The following SYNPO variants were observed in gnomAD, a reference collection of about 807,000 sequenced individuals.
The protein encoded by SYNPO is synaptopodin.
In SYNPO, 19 loss-of-function variants were observed where a neutral mutation model predicts 49.5. The ratio of observed to expected loss-of-function variants is 0.38; its 90% CI spans 0.27 to 0.56. The LOEUF (loss-of-function observed/expected upper bound fraction) is 0.56. Among genes scored for constraint, SYNPO ranks in the 20% least tolerant of loss-of-function variants. The pLI, the probability that SYNPO is intolerant of heterozygous loss-of-function variation, is 0.68. For synonymous variants in SYNPO, 536 were observed against 548.0 expected, an observed-to-expected ratio of 0.98 and a Z score of 0.31; for missense variants, 1,131 against 1,248.3, an observed-to-expected ratio of 0.91 and a Z score of 1.42.
At chr5:150,626,265 G>A (rs143680196) in intron 2 of SYNPO, among the ~76,000 whole-genome samples, 1 of 152,208 alleles carries the variant, frequency 6.6e-6, no homozygotes, top group Non-Finnish European at 1.5e-5. Context: ...TCCCTCAGGG[G>A]AGTTGAAAAC....
At chr5:150,590,075 C>T in the SYNPO span, among the ~76,000 whole-genome samples, 24 of 152,348 alleles carry the variant, frequency 1.6e-4, no homozygotes, top group South Asian at 6.2e-4. Flanking sequence ...TTCATTTTTC[C>T]AAGCCTTGCG....
At chr5:150,618,846 C>A in intron 2 of SYNPO, 1 of 1,495,734 alleles carries the variant, frequency 6.7e-7, no homozygotes. Context: ...GGCTCCTGAC[C>A]ATATTTTTCC....
At chr5:150,645,333 C>A (rs181146317) in intron 1 of SYNPO, among the ~76,000 whole-genome samples, 2 of 152,098 alleles carry the variant, frequency 1.3e-5, no homozygotes, top group African/African-American at 4.8e-5. Context: ...TAATTAGCTT[C>A]CCACAGTAGG....
chr5:150,601,463 G>C (rs572183521), intron 1 of SYNPO, among the ~76,000 whole-genome samples: 1 of 152,312 alleles, frequency 6.6e-6, no homozygotes, highest in Admixed American at 6.5e-5. Context: ...GCCCCACCAT[G>C]TGCCCCAGGG....
intron 2 of SYNPO, among the ~76,000 whole-genome samples, chr5:150,623,882 C>T (rs902415232): frequency 9.2e-5 from 14 of 152,372 alleles, no homozygotes; most frequent in African/African-American, 3.4e-4. Flanking sequence ...CAGCATTTCT[C>T]CAACCGTGGT....
chr5:150,645,030 G>A (rs1286325822), intron 1 of SYNPO, among the ~76,000 whole-genome samples: 1 of 152,196 alleles, frequency 6.6e-6, no homozygotes, highest in East Asian at 1.9e-4. Flanking sequence ...TGGAGCTGCT[G>A]TGACGCTGCT....
chr5:150,594,843 C>T, the SYNPO span, among the ~76,000 whole-genome samples: 4 of 152,136 alleles, frequency 2.6e-5, no homozygotes, highest in Non-Finnish European at 4.4e-5. Flanking sequence ...AATGGTCGAG[C>T]AGGACTCTTG....
chr5:150,650,436 G>A, intron 2 of SYNPO, 133 bp downstream of exon 2: 1 of 1,546,714 alleles, frequency 6.5e-7, no homozygotes, highest in South Asian at 1.2e-5. Flanking sequence ...GAGGAGAATG[G>A]GGAGTCCATG....
chr5:150,651,620 A>C, intron 2 of SYNPO: 1 of 1,002,788 alleles, frequency 1.0e-6, no homozygotes. Flanking sequence ...GCTTAGGCTC[A>C]GGATTGCCTG....
chr5:150,631,119 G>A (rs1757521822), intron 2 of SYNPO, among the ~76,000 whole-genome samples: 1 of 152,200 alleles, frequency 6.6e-6, no homozygotes, highest in Non-Finnish European at 1.5e-5. Flanking sequence ...CATGATGTGA[G>A]CAGTGTTTCA....
At position 150,647,974 on chromosome 5, in the gene SYNPO, A is replaced by G; in HGVS notation, c.-302A>G. On this transcript the variant is annotated 5_prime_UTR_variant, in exon 2 of 3. Coordinates refer to ENST00000307662, the MANE Select transcript of SYNPO (RefSeq NM_007286.6). Reference sequence around the variant, plus strand: ...GGCCGGAGCACTAGCCTCACGGAGAAGGATCTGAAAGAAGCCAAGGCGCGG... The same window carrying G: ...GGCCGGAGCACTAGCCTCACGGAGAGGGATCTGAAAGAAGCCAAGGCGCGG... The G allele has an allele frequency of 6.4e-7, 1 of 1,551,870 alleles. No homozygotes were observed. Among genetic ancestry groups the G allele is most frequent in the Non-Finnish European group, 8.7e-7 (1 of 1,147,004 alleles).
chr5:150,642,431 A>T (rs964185886), intron 1 of SYNPO, among the ~76,000 whole-genome samples: 1 of 152,214 alleles, frequency 6.6e-6, no homozygotes, highest in Non-Finnish European at 1.5e-5. Context: ...CGGTGGGGAC[A>T]TCATGACTTG....
chr5:150,597,962 A>G (rs1756454534), upstream of SYNPO, among the ~76,000 whole-genome samples: 1 of 152,146 alleles, frequency 6.6e-6, no homozygotes. Flanking sequence ...CATGAATATA[A>G]TGACTTCCTG....
chr5:150,632,975 C>T (rs185087460), intron 2 of SYNPO, among the ~76,000 whole-genome samples: 11 of 152,244 alleles, frequency 7.2e-5, no homozygotes, highest in Non-Finnish European at 1.5e-4. Context: ...TGGCCCTGAT[C>T]GTCCCTGCTC....
At chr5:150,650,959 G>T in intron 2 of SYNPO, 1 of 1,254,254 alleles carries the variant, frequency 8.0e-7, no homozygotes, top group Non-Finnish European at 1.0e-6. Context: ...TCTGCTGGCT[G>T]CGGACTCGGC....
At position 150,640,680 on chromosome 5, in the gene SYNPO, C is replaced by T; in HGVS notation, c.-507C>T. The stretch of plus-strand genomic sequence containing the variant: ...TTCCTGATAAAGAGCTGGGCTGAGT[C>T]ATCTGTGGAGGAGAAAAGTCACATC... On this transcript the variant is annotated 5_prime_UTR_variant, in exon 1 of 3. Coordinates refer to ENST00000307662, the MANE Select transcript of SYNPO (RefSeq NM_007286.6). The T allele has an allele frequency of 1.0e-6, 1 of 985,598 alleles. No individual in the cohort carries two copies. The highest frequency in any genetic ancestry group is 1.2e-6 in the Non-Finnish European group (1 of 829,942). The allele number at this position is 985,598 out of a possible 1,614,324, so 61.1% of individuals were successfully genotyped here. A position where few individuals can be genotyped will look rare whatever the true frequency, so the allele number is the denominator to read the frequency against.
In SYNPO at chr5:150,618,667, C is replaced by T. The variant is rs967644275; in HGVS notation, c.300C>T (p.His100=). ...GAGAGGAACAAGGGGCGTCCCAGCA[C>T]GACGACAGGGCCAGCCAGGACTGGG... is the stretch of plus-strand genomic sequence containing the variant. Residue 100 remains histidine (H), a synonymous_variant, in exon 2 of 3, where the codon CAC becomes CAT. Coordinates refer to the SYNPO transcript ENST00000394243. 128 of 1,550,850 alleles carry T rather than the reference C, an allele frequency of 8.3e-5. 1 individual carries two copies. Among genetic ancestry groups the T allele is most frequent in the Non-Finnish European group, 9.9e-5 (113 of 1,146,796 alleles).
chr5:150,591,923 T>C, the SYNPO span, among the ~76,000 whole-genome samples: 2 of 152,170 alleles, frequency 1.3e-5, no homozygotes, highest in Non-Finnish European at 2.9e-5. Flanking sequence ...CCCAGCACTT[T>C]GGGAGGCCGA....
At chr5:150,642,421 C>T (rs996660823) in intron 1 of SYNPO, among the ~76,000 whole-genome samples, 8 of 152,158 alleles carry the variant, frequency 5.3e-5, no homozygotes, top group Admixed American at 1.3e-4. Context: ...GGTGGGGAGG[C>T]GGTGGGGACA....
Sources: allele counts gnomAD v4.1 joint callset (sites outside exome capture counted in the v4.1 genomes callset), GRCh38; gene constraint gnomAD v4.1.1; transcripts MANE v1.5; gene names NCBI Gene and HGNC (gene_info 2026-07-23, HGNC 2026-07-21).